Variants in NFIB observed in about 807,000 individuals in gnomAD.
NFIB encodes the protein nuclear factor 1 B-type.
NFIB carries 11 observed loss-of-function variants against 61.5 expected under a neutral mutation model. That is an observed-to-expected ratio of 0.18 (90% CI 0.11 to 0.30). The LOEUF (loss-of-function observed/expected upper bound fraction) is 0.30, where lower values mean the gene tolerates loss of function less well. Ranked by LOEUF, NFIB falls within the 10% of genes least tolerant of loss-of-function variation. NFIB has a pLI of 1.00. For synonymous variants in NFIB, 260 were observed against 216.5 expected (o/e 1.20, Z -1.76); for missense variants, 471 against 608.9 (o/e 0.77, Z 2.38).
chr9:14,089,480 T>G (rs2033496024), intron 10 of NFIB, among the ~76,000 whole-genome samples: 1 of 152,020 alleles, frequency 6.6e-6, no homozygotes. Context: ...ATGAAACAAC[T>G]CTACAGCACA....
chr9:14,425,142 T>C, the NFIB span, among the ~76,000 whole-genome samples: 5 of 152,216 alleles, frequency 3.3e-5, no homozygotes, highest in African/African-American at 1.2e-4. Context: ...GGCTTCTCTA[T>C]GGCGTGGCTG....
the NFIB span, among the ~76,000 whole-genome samples, chr9:14,507,585 A>T: frequency 6.6e-6 from 1 of 152,334 alleles, no homozygotes; most frequent in South Asian, 2.1e-4. Flanking sequence ...ATATTTTTCC[A>T]ACTCAAACTG....
chr9:14,332,709 C>T (rs564964720), intron 1 of NFIB, among the ~76,000 whole-genome samples: 4 of 150,852 alleles, frequency 2.7e-5, no homozygotes, highest in East Asian at 3.9e-4. Context: ...AAGAAGACGT[C>T]GTCACTTATC....
chr9:14,364,238 A>C (rs1480409136), intron 1 of NFIB, among the ~76,000 whole-genome samples: 2 of 152,154 alleles, frequency 1.3e-5, no homozygotes, highest in Non-Finnish European at 2.9e-5. Context: ...CAATTTGGGA[A>C]TGTCTGAAGT....
the NFIB span, among the ~76,000 whole-genome samples, chr9:14,481,566 CT>C: frequency 6.6e-6 from 1 of 151,988 alleles, no homozygotes; most frequent in Non-Finnish European, 1.5e-5. Context: ...GTCCTATTGA[CT>C]TTGGATTTCT....
the NFIB span, among the ~76,000 whole-genome samples, chr9:14,483,452 T>A: frequency 2.0e-5 from 3 of 152,198 alleles, no homozygotes; most frequent in African/African-American, 7.2e-5. Flanking sequence ...CTGGCACATT[T>A]CAGGACGCTT....
At chr9:14,389,955 C>G (rs776440138) in intron 1 of NFIB, among the ~76,000 whole-genome samples, 1 of 152,152 alleles carries the variant, frequency 6.6e-6, no homozygotes, top group Non-Finnish European at 1.5e-5. Context: ...TCTCAAAACA[C>G]GGAAAAATCG....
the NFIB span, among the ~76,000 whole-genome samples, chr9:14,530,433 G>GA: frequency 7.1e-6 from 1 of 141,670 alleles, no homozygotes; most frequent in Non-Finnish European, 1.5e-5. Context: ...AGAGAGAGAG[G>GA]TTTCTGTCTC....
the NFIB span, among the ~76,000 whole-genome samples, chr9:14,471,025 C>A: frequency 2.0e-5 from 3 of 152,150 alleles, no homozygotes; most frequent in African/African-American, 7.2e-5. Context: ...TAGTTTAAAG[C>A]ATTAATGATC....
intron 2 of NFIB, among the ~76,000 whole-genome samples, chr9:14,241,544 A>G (rs2054356279): frequency 6.6e-6 from 1 of 152,130 alleles, no homozygotes; most frequent in South Asian, 2.1e-4. Flanking sequence ...TCTTAAGTTT[A>G]CAGCTTGCCA....
intron 2 of NFIB, among the ~76,000 whole-genome samples, chr9:14,246,979 CTCTT>C (rs2055007504): frequency 6.6e-6 from 1 of 151,546 alleles, no homozygotes; most frequent in South Asian, 2.1e-4. Flanking sequence ...CTCTCTCTCT[CTCTT>C]GCTTTCTTTC....
intron 10 of NFIB, among the ~76,000 whole-genome samples, chr9:14,101,983 G>GA (rs933671226): frequency 9.2e-5 from 14 of 151,846 alleles, no homozygotes; most frequent in Non-Finnish European, 1.5e-4. Context: ...TACAACAGGG[G>GA]AAAAAAATGA....
At chr9:14,442,871 G>C in the NFIB span, among the ~76,000 whole-genome samples, 2 of 152,124 alleles carry the variant, frequency 1.3e-5, no homozygotes, top group Non-Finnish European at 2.9e-5. Context: ...TCACTAATGT[G>C]TATAACTAGA....
At chr9:14,111,015 TC>T (rs2119001575) in intron 10 of NFIB, among the ~76,000 whole-genome samples, 1 of 152,270 alleles carries the variant, frequency 6.6e-6, no homozygotes, top group Non-Finnish European at 1.5e-5. Flanking sequence ...ATATCATGTA[TC>T]CCATAAGTAT....
At chr9:14,124,603 C>T (rs1166009160) in intron 7 of NFIB, among the ~76,000 whole-genome samples, 1 of 152,074 alleles carries the variant, frequency 6.6e-6, no homozygotes, top group Non-Finnish European at 1.5e-5. Flanking sequence ...AAATTTAAAC[C>T]AATAACAGTT....
intron 3 of NFIB, among the ~76,000 whole-genome samples, chr9:14,173,014 C>T (rs902660426): frequency 2.0e-5 from 3 of 152,092 alleles, no homozygotes; most frequent in African/African-American, 7.2e-5. Flanking sequence ...GTGATCTGCC[C>T]GCCTCAGCCT....
At chr9:14,104,961 C>T (rs1215263452) in intron 10 of NFIB, among the ~76,000 whole-genome samples, 1 of 152,012 alleles carries the variant, frequency 6.6e-6, no homozygotes, top group Non-Finnish European at 1.5e-5. Flanking sequence ...TTTCACAAAG[C>T]CAGGGGAATC....
At chr9:14,315,521 C>T (rs1303203215), upstream of NFIB, among the ~76,000 whole-genome samples, 1 of 142,414 alleles carries the variant, frequency 7.0e-6, no homozygotes, top group Non-Finnish European at 1.6e-5. Flanking sequence ...CGGGGCGGGG[C>T]CGCGGCGCGC....
chr9:14,234,516 C>G (rs201815190), intron 2 of NFIB, among the ~76,000 whole-genome samples: 2 of 151,738 alleles, frequency 1.3e-5, no homozygotes, highest in African/African-American at 4.8e-5. Context: ...ATTACAGGCA[C>G]GCACCACCAC....
Sources: allele counts gnomAD v4.1 joint callset (sites outside exome capture counted in the v4.1 genomes callset), GRCh38; gene constraint gnomAD v4.1.1; transcripts MANE v1.5; gene names NCBI Gene and HGNC (gene_info 2026-07-23, HGNC 2026-07-21).